SGSM1: variants seen among roughly 807,000 people sequenced by gnomAD.
SGSM1 encodes RUN and TBC1 domain containing 2.
Under a neutral mutation model 133.8 loss-of-function variants are expected in SGSM1, and 73 were observed. The ratio of observed to expected loss-of-function variants is 0.55; its 90% CI spans 0.45 to 0.66. The LOEUF is 0.66. SGSM1 is among the 30% of genes least tolerant of loss of function. SGSM1 has a pLI of 0.00. For synonymous variants in SGSM1, 563 were observed against 573.0 expected (o/e 0.98, Z 0.25); for missense variants, 1,213 against 1,448.1 (o/e 0.84, Z 2.64).
chr22:24,889,826 T>C (rs1932776452), intron 16 of SGSM1, among the ~76,000 whole-genome samples: 1 of 149,490 alleles, frequency 6.7e-6, no homozygotes, highest in Non-Finnish European at 1.5e-5. Context: ...ATTTTTTGTA[T>C]TTTTAGTAGA....
At position 24,879,535 on chromosome 22, in the gene SGSM1, A is replaced by G; in HGVS notation, c.1495+9A>G. 6.2e-7 allele frequency: 1 copy of G among 1,612,834 alleles called. No individual in the cohort carries two copies. On this transcript the variant is annotated intron_variant, in intron 14 of 24. Transcript: ENST00000400358. ...CAGAGCCTTCTATGGATGTACGTAT[A>G]GGGCTCCATTGCCAGTGTGTCTCCG...
Position 24,893,614 on chromosome 22 carries a change from G to T in SGSM1, c.1953+1G>T. On this transcript the variant is annotated splice_donor_variant, in intron 17 of 24. Coordinates refer to ENST00000400358, the MANE Select transcript of SGSM1 (RefSeq NM_001098497.3). LOFTEE classifies it high-confidence loss of function. ...CAGGGACTCAACCATCAGCAATGAG[G>T]TGATGGGCGGCTGGCCTCGGGGAGC... 1 of 1,557,652 alleles carries T rather than the reference G, an allele frequency of 6.4e-7. No individual in the cohort carries two copies. Among genetic ancestry groups the T allele is most frequent in the Non-Finnish European group, 8.7e-7 (1 of 1,152,146 alleles).
chr22:24,917,811 G>A, intron 23 of SGSM1, 57 bp downstream of exon 23: 2 of 1,467,970 alleles, frequency 1.4e-6, no homozygotes, highest in Non-Finnish European at 1.9e-6. Context: ...AACTTTCAGG[G>A]GAAAAGATCC....
chr22:24,899,404 G>A (rs1327106191), intron 19 of SGSM1, among the ~76,000 whole-genome samples: 5 of 151,414 alleles, frequency 3.3e-5, no homozygotes, highest in East Asian at 1.9e-4. Context: ...AATCTTCCTC[G>A]TCCTGATCTT....
intron 13 of SGSM1, among the ~76,000 whole-genome samples, chr22:24,878,489 T>G (rs1932145978): frequency 6.6e-6 from 1 of 152,218 alleles, no homozygotes; most frequent in Non-Finnish European, 1.5e-5. Context: ...TGTTCCTAAC[T>G]GTCTCAATGT....
chr22:24,842,783 T>TG (rs1482089911), intron 2 of SGSM1, among the ~76,000 whole-genome samples: 1 of 152,236 alleles, frequency 6.6e-6, no homozygotes, highest in Non-Finnish European at 1.5e-5. Context: ...GCAGAGCTGA[T>TG]GACCTGCATG....
intron 12 of SGSM1, among the ~76,000 whole-genome samples, chr22:24,875,641 G>GAA (rs61221092): frequency 5.0e-5 from 6 of 119,414 alleles, no homozygotes; most frequent in Non-Finnish European, 9.0e-5. Flanking sequence ...CTCCATCTCA[G>GAA]AAAAAAAAAA....
intron 2 of SGSM1, among the ~76,000 whole-genome samples, chr22:24,837,986 T>C (rs537906837): frequency 6.6e-6 from 1 of 152,378 alleles, no homozygotes; most frequent in South Asian, 2.1e-4. Flanking sequence ...CTCTGTCTCT[T>C]GCCTCGGTGC....
intron 2 of SGSM1, chr22:24,844,146 A>G (rs1007246212): frequency 6.6e-6 from 1 of 152,290 alleles, no homozygotes; most frequent in Non-Finnish European, 1.5e-5. Flanking sequence ...GGCTGTGCAA[A>G]TTCAGCAGTG....
chr22:24,855,255 G>A (rs768162937), intron 6 of SGSM1, 30 bp from the exon 7 acceptor site: 1 of 1,596,320 alleles, frequency 6.3e-7, no homozygotes, highest in South Asian at 1.1e-5. Flanking sequence ...TTCCGGGGCA[G>A]TGGGTTTCCA....
chr22:24,878,797 G>C (rs1483118965), intron 13 of SGSM1, among the ~76,000 whole-genome samples: 1 of 152,144 alleles, frequency 6.6e-6, no homozygotes, highest in Admixed American at 6.5e-5. Context: ...GCTCAGCTTG[G>C]TTCAGCTGGA....
intron 9 of SGSM1, among the ~76,000 whole-genome samples, chr22:24,862,008 G>A (rs1409409835): frequency 2.7e-5 from 4 of 148,958 alleles, no homozygotes; most frequent in African/African-American, 1.0e-4. Flanking sequence ...AGGCTGGAGT[G>A]CAATGGCACA....
chr22:24,835,988 CCTT>C (rs796508880), intron 2 of SGSM1, among the ~76,000 whole-genome samples: 7 of 152,056 alleles, frequency 4.6e-5, no homozygotes, highest in African/African-American at 1.7e-4. Flanking sequence ...ATAAAATGTG[CCTT>C]CTTAACCATT....
In SGSM1 at chr22:24,821,352, A is replaced by T. The variant is rs186761969; in HGVS notation, c.63+14868A>T. Among the ~76,000 whole-genome samples, 12 of 152,316 alleles carry T rather than the reference A, an allele frequency of 7.9e-5. No individual in the cohort carries two copies. In the East Asian group the frequency reaches 2.3e-3, roughly 29 times the overall value. ...GCGCCCAGCCTGAGCCGATATCTTG[A>T]TGATGAAAACAAGAGGCTGTGTAGA... On this transcript the variant is annotated intron_variant, in intron 2 of 24. Coordinates refer to ENST00000400358, the MANE Select transcript of SGSM1 (RefSeq NM_001098497.3).
intron 12 of SGSM1, among the ~76,000 whole-genome samples, chr22:24,869,947 C>T (rs1166452419): frequency 6.6e-6 from 1 of 152,224 alleles, no homozygotes; most frequent in African/African-American, 2.4e-5. Flanking sequence ...GTCTGTTAAA[C>T]AAATCAGTAT....
chr22:24,885,835 C>T (rs1204480509), intron 15 of SGSM1, among the ~76,000 whole-genome samples: 3 of 152,022 alleles, frequency 2.0e-5, no homozygotes, highest in African/African-American at 4.8e-5. Flanking sequence ...TGGAGAGTTA[C>T]CTGAGTTTGG....
rs573103714 is a variant in SGSM1 at position 24,877,501 on chromosome 22, G to A, written c.1430+786G>A. On this transcript the variant is annotated intron_variant, in intron 13 of 24. Coordinates refer to ENST00000400358, the MANE Select transcript of SGSM1 (RefSeq NM_001098497.3). ...ATGAGACTGATCTTGTTTTCCCCTGGTCCAACCTGGCCTGGCCTGAGAAAA... is the reference window on the plus strand; with the variant it reads ...ATGAGACTGATCTTGTTTTCCCCTGATCCAACCTGGCCTGGCCTGAGAAAA... Among the ~76,000 whole-genome samples, 6 of 152,098 alleles carry A rather than the reference G, an allele frequency of 3.9e-5. No individual in the cohort carries two copies. The South Asian group carries it at 1.0e-3, about 26-fold the overall frequency.
intron 9 of SGSM1, among the ~76,000 whole-genome samples, 159 bp from the exon 10 acceptor site, chr22:24,866,934 A>C (rs1601937971): frequency 6.6e-6 from 1 of 152,108 alleles, no homozygotes; most frequent in South Asian, 2.1e-4. Context: ...CTGAGACCAG[A>C]AAAAGGGGAG....
chr22:24,847,824 G>A, intron 4 of SGSM1, 28 bp downstream of exon 4: 1 of 1,607,806 alleles, frequency 6.2e-7, no homozygotes, highest in East Asian at 2.2e-5. Flanking sequence ...GGCACAGGTG[G>A]GAGCAGCTCC....
Sources: allele counts gnomAD v4.1 joint callset (sites outside exome capture counted in the v4.1 genomes callset), GRCh38; gene constraint gnomAD v4.1.1; transcripts MANE v1.5; gene names NCBI Gene and HGNC (gene_info 2026-07-23, HGNC 2026-07-21).